TPH2: variants seen among roughly 807,000 people sequenced by gnomAD.
The protein encoded by TPH2 is tryptophan hydroxylase 2.
A neutral mutation model predicts 59.1 loss-of-function variants in TPH2; 27 were observed. The ratio of observed to expected loss-of-function variants is 0.46; its 90% CI spans 0.34 to 0.63. The LOEUF (loss-of-function observed/expected upper bound fraction) is 0.63. Ranked by LOEUF, TPH2 falls within the 30% of genes least tolerant of loss-of-function variation. The pLI is 0.01. For synonymous variants in TPH2, 220 were observed against 210.5 expected (o/e 1.05, Z -0.39); for missense variants, 523 against 588.3 (o/e 0.89, Z 1.15).
At chr12:72,002,704 G>T (rs1872856979) in intron 8 of TPH2, among the ~76,000 whole-genome samples, 1 of 150,902 alleles carries the variant, frequency 6.6e-6, no homozygotes. Flanking sequence ...AATGTTTTTT[G>T]AAAGGGCGAA....
chr12:72,021,530 T>A (rs1592415736), intron 8 of TPH2, among the ~76,000 whole-genome samples: 3 of 152,248 alleles, frequency 2.0e-5, no homozygotes, highest in Middle Eastern at 6.8e-3. Flanking sequence ...GGAATTTCGA[T>A]CTTTTCAACA....
At chr12:71,998,836 A>C (rs967400070) in intron 8 of TPH2, among the ~76,000 whole-genome samples, 1 of 152,212 alleles carries the variant, frequency 6.6e-6, no homozygotes, top group Admixed American at 6.5e-5. Flanking sequence ...ATCTATAGAG[A>C]GGACAAATGG....
intron 8 of TPH2, among the ~76,000 whole-genome samples, chr12:72,022,048 T>C (rs574022753): frequency 6.6e-6 from 1 of 152,304 alleles, no homozygotes; most frequent in South Asian, 2.1e-4. Context: ...CAAAATTTGG[T>C]AAATATATAG....
intron 8 of TPH2, among the ~76,000 whole-genome samples, chr12:72,003,022 A>G (rs1186076580): frequency 6.6e-6 from 1 of 152,182 alleles, no homozygotes; most frequent in Non-Finnish European, 1.5e-5. Context: ...TATAAAGGTA[A>G]CCTTAGTTTA....
intron 9 of TPH2, among the ~76,000 whole-genome samples, chr12:72,027,358 T>C (rs1207356001): frequency 2.0e-5 from 3 of 152,212 alleles, no homozygotes; most frequent in Non-Finnish European, 4.4e-5. Flanking sequence ...GAATTAGTGA[T>C]GATAACTAAA....
chr12:71,967,594 T>C (rs2139199876), intron 5 of TPH2, among the ~76,000 whole-genome samples: 1 of 152,340 alleles, frequency 6.6e-6, no homozygotes, highest in East Asian at 1.9e-4. Context: ...AATTATAATT[T>C]TGGTGGTTGT....
chr12:71,964,885 G>GGTGTTA (rs879797889), intron 5 of TPH2: 4 of 366,960 alleles, frequency 1.1e-5, no homozygotes, highest in Non-Finnish European at 1.5e-5. Flanking sequence ...TCATCACCCA[G>GGTGTTA]GTGTTAAGCC....
intron 5 of TPH2, among the ~76,000 whole-genome samples, chr12:71,969,501 C>T (rs1871914049): frequency 6.6e-6 from 1 of 152,160 alleles, no homozygotes; most frequent in Non-Finnish European, 1.5e-5. Flanking sequence ...GAGTGCCCTG[C>T]ATTCCTGGTG....
intron 8 of TPH2, among the ~76,000 whole-genome samples, chr12:72,013,099 T>C (rs1226670277): frequency 6.6e-6 from 1 of 150,650 alleles, no homozygotes; most frequent in African/African-American, 2.5e-5. Context: ...CTGCTGACAC[T>C]TTTTTTTTCT....
Position 71,972,731 on chromosome 12 carries a change from G to A in TPH2, c.805+16G>A, listed in dbSNP as rs112342169. 106 of 1,611,842 alleles carry A rather than the reference G, an allele frequency of 6.6e-5. No individual in the cohort carries two copies. The African/African-American group carries it at 9.7e-4, about 15-fold the overall frequency. On this transcript the variant is annotated intron_variant, in intron 6 of 10. Coordinates refer to ENST00000333850, the MANE Select transcript of TPH2 (RefSeq NM_173353.4). ...TTTCTGAAAGGTAAGATTTCACACA[G>A]GCTGTCTCTTATTAGTCAATATCCT...
intron 7 of TPH2, among the ~76,000 whole-genome samples, chr12:71,986,890 T>G (rs908562812): frequency 1.3e-5 from 2 of 152,158 alleles, no homozygotes; most frequent in African/African-American, 4.8e-5. Context: ...AATTGCAAGT[T>G]CAGAAGAAGA....
intron 7 of TPH2, among the ~76,000 whole-genome samples, chr12:71,982,698 C>G (rs7954568): frequency 0.85 from 128,858 of 152,182 alleles, 54,656 homozygotes; most frequent in East Asian, 0.96. Context: ...AGTTCAACTT[C>G]TCTACTGTGT....
At chr12:72,029,711 A>T (rs1226363163) in intron 9 of TPH2, among the ~76,000 whole-genome samples, 1 of 152,172 alleles carries the variant, frequency 6.6e-6, no homozygotes, top group Non-Finnish European at 1.5e-5. Flanking sequence ...GGCCCTCTGC[A>T]TTCTGTGATT....
chr12:72,001,739 TAAA>T (rs948362126), intron 8 of TPH2, among the ~76,000 whole-genome samples: 24 of 152,120 alleles, frequency 1.6e-4, no homozygotes, highest in African/African-American at 5.8e-4. Context: ...CCAAAAGTGA[TAAA>T]AAGTTATTTT....
chr12:72,005,036 G>A lies in TPH2; in HGVS notation c.1068+10471G>A, dbSNP rs144638541. On this transcript the variant is annotated intron_variant, in intron 8 of 10. Coordinates refer to ENST00000333850, the MANE Select transcript of TPH2 (RefSeq NM_173353.4). ...TTAGAAATATTGCAATTTGCTTAGA[G>A]TTTTATATGCTTGCCACTGTAAGGA... Among the ~76,000 whole-genome samples the A allele has an allele frequency of 1.6e-3, 247 of 152,244 alleles. 3 individuals carry two copies. Among genetic ancestry groups the A allele is most frequent in the African/African-American group, 5.6e-3 (233 of 41,538 alleles).
intron 2 of TPH2, 64 bp from the exon 3 acceptor site, chr12:71,944,230 A>T (rs1004861531): frequency 6.3e-6 from 10 of 1,581,162 alleles, no homozygotes; most frequent in African/African-American, 1.3e-5. Flanking sequence ...TGTGAACAAG[A>T]AAAGCTCATG....
chr12:71,950,580 C>T lies in TPH2; in HGVS notation c.608+925C>T, dbSNP rs140374992. ...GGTGGTTAGGCCTGTGTTTGTTCTA[C>T]TCATGCTAGTATAACTCATAGATCA... On this transcript the variant is annotated intron_variant, in intron 5 of 10. Transcript: ENST00000333850. Among the ~76,000 whole-genome samples, 245 of 152,262 alleles carry T rather than the reference C, an allele frequency of 1.6e-3. 1 individual carries two copies. The highest frequency in any genetic ancestry group is 5.6e-3 in the African/African-American group (233 of 41,562).
At chr12:71,957,728 T>A (rs974998889) in intron 5 of TPH2, among the ~76,000 whole-genome samples, 1 of 152,136 alleles carries the variant, frequency 6.6e-6, no homozygotes, top group Admixed American at 6.5e-5. Flanking sequence ...GGTGTGTGGG[T>A]GTGTGTGTGA....
At chr12:72,017,362 A>C (rs759074025) in intron 8 of TPH2, among the ~76,000 whole-genome samples, 36 of 152,248 alleles carry the variant, frequency 2.4e-4, no homozygotes, top group Non-Finnish European at 4.6e-4. Context: ...CTTCTGCTTA[A>C]TGACTGCATG....
Sources: allele counts gnomAD v4.1 joint callset (sites outside exome capture counted in the v4.1 genomes callset), GRCh38; gene constraint gnomAD v4.1.1; transcripts MANE v1.5; gene names NCBI Gene and HGNC (gene_info 2026-07-23, HGNC 2026-07-21).